Variants in TMCO4 observed in about 807,000 individuals in gnomAD.
TMCO4 encodes the protein transmembrane and coiled-coil domains 4, also known as transmembrane and coiled-coil domain-containing protein 4.
Under a neutral mutation model 64.7 loss-of-function variants are expected in TMCO4, and 58 were observed. The observed-to-expected ratio is 0.90, with a 90% CI of 0.73 to 1.12. TMCO4 has a LOEUF of 1.12. TMCO4 is among the 50% of genes most tolerant of loss of function. The pLI is 0.00. For synonymous variants in TMCO4, 325 were observed against 346.1 expected (o/e 0.94, Z 0.68); for missense variants, 780 against 825.9 (o/e 0.94, Z 0.68).
At chr1:19,780,971 G>A (rs1200976251) in intron 3 of TMCO4, among the ~76,000 whole-genome samples, 1 of 151,904 alleles carries the variant, frequency 6.6e-6, no homozygotes, top group Non-Finnish European at 1.5e-5. Context: ...TATCCACAAA[G>A]GTCTATACAC....
chr1:19,792,471 G>C (rs943752736), intron 2 of TMCO4, among the ~76,000 whole-genome samples: 2 of 152,162 alleles, frequency 1.3e-5, no homozygotes, highest in Admixed American at 6.5e-5. Context: ...ATAAATATCT[G>C]ACCTCAGCTC....
At chr1:19,704,026 C>T (rs1187018191) in intron 13 of TMCO4, among the ~76,000 whole-genome samples, 1 of 152,194 alleles carries the variant, frequency 6.6e-6, no homozygotes, top group African/African-American at 2.4e-5. Context: ...CAGTTTCTAA[C>T]CAGAGTGCTT....
intron 6 of TMCO4, among the ~76,000 whole-genome samples, chr1:19,760,951 C>T (rs575592729): frequency 6.6e-6 from 1 of 152,204 alleles, no homozygotes; most frequent in African/African-American, 2.4e-5. Flanking sequence ...TATCCCCTTT[C>T]GGCAGAAACA....
In TMCO4 at chr1:19,789,695, C is replaced by T. The variant is rs189840397; in HGVS notation, c.-100-2578G>A. 1.6e-3 allele frequency among the ~76,000 whole-genome samples: 247 copies of T among 152,194 alleles called. 3 individuals carry two copies. The highest frequency in any genetic ancestry group is 6.8e-3 in the Middle Eastern group (2 of 294). ...CAGAAAGCCCTGGACCCATGTGGCC[C>T]AGCCAAGCCAGTGGGGATGAGTTCA... On this transcript the variant is annotated intron_variant, in intron 2 of 15. Transcript: ENST00000294543.
At chr1:19,789,702 G>A (rs2043929644) in intron 2 of TMCO4, among the ~76,000 whole-genome samples, 1 of 152,172 alleles carries the variant, frequency 6.6e-6, no homozygotes, top group African/African-American at 2.4e-5. Context: ...GCCCAGCCAA[G>A]CCAGTGGGGA....
chr1:19,780,151 G>A (rs1455770674), intron 4 of TMCO4, among the ~76,000 whole-genome samples: 4 of 152,102 alleles, frequency 2.6e-5, no homozygotes, highest in African/African-American at 7.2e-5. Context: ...TAGATCCCTC[G>A]CGTGCGCAGT....
chr1:19,690,420 G>C (rs1003911036), intron 15 of TMCO4, among the ~76,000 whole-genome samples: 1 of 152,236 alleles, frequency 6.6e-6, no homozygotes, highest in Non-Finnish European at 1.5e-5. Context: ...TCAGGGTTGT[G>C]GGTACCCCTG....
chr1:19,705,838 A>G (rs2095300469), intron 13 of TMCO4, among the ~76,000 whole-genome samples: 1 of 152,164 alleles, frequency 6.6e-6, no homozygotes, highest in Admixed American at 6.5e-5. Flanking sequence ...AAAACCTTAT[A>G]ATACTAGAAT....
Position 19,682,781 on chromosome 1 carries a change from C to T in TMCO4, c.*259G>A. The stretch of plus-strand genomic sequence containing the variant: ...GGGACTCTAACCTGTGCTTGGTTGA[C>T]TCTGCAGGTCTCTGATGAGGGGGCA... On this transcript the variant is annotated 3_prime_UTR_variant, in exon 16 of 16. Transcript: ENST00000294543. 1 of 716,986 alleles carries T rather than the reference C, an allele frequency of 1.4e-6. No individual in the cohort carries two copies. The highest frequency in any genetic ancestry group is 1.5e-5 in the South Asian group (1 of 67,446). The allele number at this position is 716,986 out of a possible 1,614,324, so 44.4% of individuals were successfully genotyped here.
At chr1:19,703,809 A>G (rs1008927832) in intron 13 of TMCO4, among the ~76,000 whole-genome samples, 2 of 151,930 alleles carry the variant, frequency 1.3e-5, no homozygotes, top group Non-Finnish European at 2.9e-5. Context: ...CGGCCTCCCA[A>G]AGTGCTGGGA....
In TMCO4 at chr1:19,780,445, A is replaced by C. The variant is rs149645357; in HGVS notation, c.179+135T>G. 3.8e-3 allele frequency: 4,055 copies of C among 1,072,134 alleles called. 15 individuals are homozygous for C. Among genetic ancestry groups the C allele is most frequent in the Non-Finnish European group, 4.8e-3 (3,647 of 764,200 alleles). 66.4% of individuals were successfully genotyped at this position (1,072,134 alleles called of 1,614,324 possible). On this transcript the variant is annotated intron_variant, in intron 4 of 15. Transcript: ENST00000294543. ...CTGGTCCACGGCCTGGAGGTTAGAG[A>C]CCCCTGCGTTAGAGGCAAGGACAAT... is the stretch of plus-strand genomic sequence containing the variant.
At chr1:19,707,786 T>C (rs1408235502) in intron 13 of TMCO4, among the ~76,000 whole-genome samples, 1 of 152,056 alleles carries the variant, frequency 6.6e-6, no homozygotes, top group Non-Finnish European at 1.5e-5. Flanking sequence ...GACTCACAGA[T>C]CCACAGGCTT....
intron 15 of TMCO4, among the ~76,000 whole-genome samples, chr1:19,689,479 C>T (rs535749858): frequency 4.4e-4 from 67 of 152,276 alleles, no homozygotes; most frequent in South Asian, 1.7e-3. Context: ...ATCTTACATG[C>T]GCTGCCCTGG....
At chr1:19,798,551 A>C (rs1442202209) in intron 1 of TMCO4, among the ~76,000 whole-genome samples, 1 of 152,210 alleles carries the variant, frequency 6.6e-6, no homozygotes, top group African/African-American at 2.4e-5. Flanking sequence ...ACAACCTTGG[A>C]GACAGGTCAT....
At chr1:19,779,287 C>T (rs1397514953) in intron 4 of TMCO4, among the ~76,000 whole-genome samples, 1 of 152,202 alleles carries the variant, frequency 6.6e-6, no homozygotes, top group Non-Finnish European at 1.5e-5. Context: ...GCTCCTGCCT[C>T]TGCCTCACCC....
chr1:19,748,990 T>A (rs2041914289), intron 7 of TMCO4, among the ~76,000 whole-genome samples: 1 of 152,230 alleles, frequency 6.6e-6, no homozygotes. Context: ...GCCCAGTGTT[T>A]CTCAGTCACT....
chr1:19,736,816 A>G (rs961206733), intron 13 of TMCO4, among the ~76,000 whole-genome samples: 1 of 152,222 alleles, frequency 6.6e-6, no homozygotes, highest in African/African-American at 2.4e-5. Context: ...GAACCTGTGA[A>G]TGCGACCTCA....
intron 7 of TMCO4, among the ~76,000 whole-genome samples, chr1:19,752,181 T>G (rs1424899060): frequency 6.6e-6 from 1 of 152,214 alleles, no homozygotes; most frequent in African/African-American, 2.4e-5. Flanking sequence ...GGGAGATGTT[T>G]GCTCTGAGTC....
chr1:19,761,165 C>G (rs559479675), intron 6 of TMCO4, among the ~76,000 whole-genome samples: 1 of 152,298 alleles, frequency 6.6e-6, no homozygotes, highest in Non-Finnish European at 1.5e-5. Context: ...TTCACCTGGA[C>G]AGCGAGTAGT....
Sources: allele counts gnomAD v4.1 joint callset (sites outside exome capture counted in the v4.1 genomes callset), GRCh38; gene constraint gnomAD v4.1.1; transcripts MANE v1.5; gene names NCBI Gene and HGNC (gene_info 2026-07-23, HGNC 2026-07-21).